Variants in ATAD5 observed in about 807,000 individuals in gnomAD.
ATAD5 encodes ATPase family AAA domain-containing protein 5.
A neutral mutation model predicts 176.9 loss-of-function variants in ATAD5; 58 were observed. That is an observed-to-expected ratio of 0.33 (90% confidence interval 0.27 to 0.41). The LOEUF (loss-of-function observed/expected upper bound fraction) is 0.41. Among genes scored for constraint, ATAD5 ranks in the 10% least tolerant of loss-of-function variants. The pLI is 1.00. For synonymous variants in ATAD5, 640 were observed against 712.6 expected (o/e 0.90, Z 1.62); for missense variants, 1,789 against 2,094.1 (o/e 0.85, Z 2.84).
At position 30,859,797 on chromosome 17, in the gene ATAD5, C is replaced by T. The variant is rs568290818; in HGVS notation, c.2957-636C>T. On this transcript the variant is annotated intron_variant, in intron 9 of 22. Coordinates refer to ENST00000321990, the MANE Select transcript of ATAD5 (RefSeq NM_024857.5). Reference sequence around the variant, plus strand: ...CCCAGGCAGTGGTGTGATCTCGGCTCACTGCAGCCTCAGCCTTCTAGGTTC... The same window carrying T: ...CCCAGGCAGTGGTGTGATCTCGGCTTACTGCAGCCTCAGCCTTCTAGGTTC... Among the ~76,000 whole-genome samples, 19 of 143,252 alleles carry T rather than the reference C, an allele frequency of 1.3e-4. 2 individuals are homozygous for T. In the East Asian group the frequency reaches 4.0e-3, roughly 30 times the overall value. 94.0% of individuals were successfully genotyped at this position (143,252 alleles called of 152,430 possible).
chr17:30,889,854 G>A (rs545474080), intron 19 of ATAD5, among the ~76,000 whole-genome samples: 76 of 138,928 alleles, frequency 5.5e-4, no homozygotes, highest in African/African-American at 1.5e-3. Flanking sequence ...ACATTTTAAC[G>A]TATTCTTTTT....
In ATAD5 at chr17:30,869,399, C is replaced by G. The variant is rs754601477; in HGVS notation, c.3456+9C>G. On this transcript the variant is annotated intron_variant, in intron 13 of 22. Transcript: ENST00000321990. ...AGGAGCTTGGATTTAAGGTTAGTAA[C>G]AGCTATGATGAGAGAATGTTAATGT... is the stretch of plus-strand genomic sequence containing the variant. The G allele has an allele frequency of 1.2e-6, 2 of 1,611,376 alleles. No homozygotes were observed. The highest frequency in any genetic ancestry group is 1.7e-6 in the Non-Finnish European group (2 of 1,179,396).
intron 18 of ATAD5, among the ~76,000 whole-genome samples, chr17:30,885,923 A>G (rs574307265): frequency 4.6e-5 from 7 of 151,850 alleles, no homozygotes; most frequent in Admixed American, 2.6e-4. Context: ...GGCTATTCCA[A>G]TTTTCTTAGA....
At position 30,869,368 on chromosome 17, in the gene ATAD5, G is replaced by C; in HGVS notation, c.3434G>C (p.Cys1145Ser). The change falls in exon 13 of 23, where the codon TGT (cysteine) becomes TCT (serine). Residue 1145 changes from cysteine to serine, a missense_variant. Cys to Ser is a moderately radical substitution (Grantham distance 112, BLOSUM62 -1). Around this residue, in one of 6 missense-constraint regions of ATAD5, gnomAD observed 6 missense variants for 24.9 expected, o/e 0.24. Transcript: ENST00000321990. ...GVGKTAAVYACAQELGFKIFE... is the reference protein window; with the variant it reads ...GVGKTAAVYASAQELGFKIFE... ...GGAAAAACTGCTGCAGTGTATGCTT[G>C]TGCCCAGGAGCTTGGATTTAAGGTT... 6.2e-7 allele frequency: 1 copy of C among 1,613,550 alleles called. No homozygotes were observed. The highest frequency in any genetic ancestry group is 8.5e-7 in the Non-Finnish European group (1 of 1,179,922).
At chr17:30,886,794 T>C (rs913132269) in intron 18 of ATAD5, among the ~76,000 whole-genome samples, 3 of 152,168 alleles carry the variant, frequency 2.0e-5, no homozygotes, top group African/African-American at 7.2e-5. Flanking sequence ...GTGCAATTTC[T>C]AACCTGGTTT....
At chr17:30,862,544 C>T (rs28456989) in intron 10 of ATAD5, among the ~76,000 whole-genome samples, 2,950 of 152,076 alleles carry the variant, frequency 0.019, 79 homozygotes, top group African/African-American at 0.064. Flanking sequence ...CGGATTCAAG[C>T]GATTCTCCTG....
Position 30,835,155 on chromosome 17 carries a change from T to G in ATAD5, c.1074T>G (p.Pro358=). 1 of 1,614,018 alleles carries G rather than the reference T, an allele frequency of 6.2e-7. No homozygotes were observed. The highest frequency in any genetic ancestry group is 8.5e-7 in the Non-Finnish European group (1 of 1,179,984). ...QFEMENSLSD[P]ENEQTVQKRK... is the part of the protein sequence containing the mutation. ...AAATGGAAAATAGTTTATCTGATCC[T>G]GAGAATGAACAGACAGTTCAGAAAA... The change falls in exon 2 of 23, where the codon CCT becomes CCG. Residue 358 remains proline (P), a synonymous_variant. Coordinates refer to ENST00000321990, the MANE Select transcript of ATAD5 (RefSeq NM_024857.5).
chr17:30,895,394 T>A lies in ATAD5; in HGVS notation c.*481T>A, dbSNP rs2142465732. On this transcript the variant is annotated 3_prime_UTR_variant, in exon 23 of 23. Transcript: ENST00000321990. ...TTAAGGATCCTCATATTGTACAGTT[T>A]TTTTTGTGTGCTTTTTTTTTTTTTT... The A allele has an allele frequency of 6.6e-6, 1 of 151,960 alleles. No individual in the cohort carries two copies. The highest frequency in any genetic ancestry group is 2.4e-5 in the African/African-American group (1 of 41,496). 9.4% of individuals were successfully genotyped at this position (151,960 alleles called of 1,614,324 possible).
At chr17:30,880,131 GTC>G (rs1880480087) in intron 18 of ATAD5, among the ~76,000 whole-genome samples, 1 of 150,714 alleles carries the variant, frequency 6.6e-6, no homozygotes, top group Admixed American at 6.6e-5. Flanking sequence ...GCAAAACCCT[GTC>G]TCTACACAAA....
chr17:30,885,880 T>C (rs1909297368), intron 18 of ATAD5, among the ~76,000 whole-genome samples: 1 of 152,042 alleles, frequency 6.6e-6, no homozygotes, highest in South Asian at 2.1e-4. Flanking sequence ...CCTCTCAAAG[T>C]GCTGGGATTA....
chr17:30,861,706 T>TGAAACC (rs1907645197), intron 10 of ATAD5: 1 of 151,884 alleles, frequency 6.6e-6, no homozygotes, highest in Non-Finnish European at 1.5e-5. Context: ...GAGACAGGGT[T>TGAAACC]TCACTGTGTG....
In ATAD5 at chr17:30,835,323, A is replaced by T; in HGVS notation, c.1242A>T (p.Ala414=). Residue 414 remains alanine, a synonymous_variant, in exon 2 of 23, where the codon GCA becomes GCT. Transcript: ENST00000321990. ...MKAFRQPASD[A]LKNGVKKSSD... is the part of the protein sequence containing the mutation. ...CATTTAGGCAGCCAGCATCAGATGCACTTAAAAATGGAGTTAAAAAGTCTT... is the reference window on the plus strand; with the variant it reads ...CATTTAGGCAGCCAGCATCAGATGCTCTTAAAAATGGAGTTAAAAAGTCTT... 3.1e-6 allele frequency: 5 copies of T among 1,614,038 alleles called. No homozygotes were observed. The highest frequency in any genetic ancestry group is 4.2e-6 in the Non-Finnish European group (5 of 1,179,988).
chr17:30,894,598 G>T lies in ATAD5; in HGVS notation c.5332G>T (p.Val1778Leu). ...AWKRISVIKS[V>L]FSSRSLLYVG... is the part of the protein sequence containing the mutation. ...GAAGAGGATATCAGTCATTAAAAGT[G>T]TATTTTCGAGTCGATCTCTTCTCTA... Residue 1778 changes from valine (V) to leucine (L), a missense_variant, in exon 22 of 23, where the codon GTA becomes TTA. Val to Leu is a conservative substitution (Grantham distance 32, BLOSUM62 1). Around this residue, in one of 6 missense-constraint regions of ATAD5, gnomAD observed 403 missense variants for 495.1 expected, o/e 0.81. Transcript: ENST00000321990. 1 of 1,612,188 alleles carries T rather than the reference G, an allele frequency of 6.2e-7. No homozygotes were observed. Among genetic ancestry groups the T allele is most frequent in the Non-Finnish European group, 8.5e-7 (1 of 1,179,472 alleles).
In ATAD5 at chr17:30,836,757, G is replaced by A. The variant is rs1255449923; in HGVS notation, c.1968-449G>A. Among the ~76,000 whole-genome samples, 12 of 151,416 alleles carry A rather than the reference G, an allele frequency of 7.9e-5. No homozygotes were observed. In the East Asian group the frequency reaches 1.2e-3, roughly 15 times the overall value. On this transcript the variant is annotated intron_variant, in intron 2 of 22. Coordinates refer to ENST00000321990, the MANE Select transcript of ATAD5 (RefSeq NM_024857.5). ...TGATCTTTGTATTTTTAGTAGAGAC[G>A]GGGTTTTACCATGTTGGCCAGGCCA...
At chr17:30,894,193 C>A in intron 21 of ATAD5, 43 bp downstream of exon 21, 2 of 1,428,954 alleles carry the variant, frequency 1.4e-6, no homozygotes, top group South Asian at 1.4e-5. Context: ...GGTAATAAAT[C>A]GTAAAGGGGA....
In ATAD5 at chr17:30,893,563, G is replaced by A. The variant is rs58888931; in HGVS notation, c.4710G>A (p.Leu1570=). The A allele has an allele frequency of 1.2e-3, 1,881 of 1,613,090 alleles. 25 individuals are homozygous for A. In the African/African-American group the frequency reaches 0.022, roughly 19 times the overall value. Residue 1570 remains leucine (L), a synonymous_variant, in exon 21 of 23, where the codon TTG becomes TTA. Transcript: ENST00000321990. The part of the protein sequence containing the change: ...KSQKKKQKKT[L]VILDDSDLFD... ...AGAAAAAGAAACAAAAGAAAACATT[G>A]GTAATATTAGATGATAGTGATCTAT...
chr17:30,870,070 G>C (rs1908250983), intron 14 of ATAD5, among the ~76,000 whole-genome samples: 1 of 151,842 alleles, frequency 6.6e-6, no homozygotes, highest in Admixed American at 6.6e-5. Flanking sequence ...GCTGTGATTG[G>C]GCCACTGCAC....
rs191864047 is a variant in ATAD5 at position 30,894,729 on chromosome 17, G to T, written c.5456+7G>T. The T allele has an allele frequency of 3.8e-6, 6 of 1,591,814 alleles. No homozygotes were observed. Among genetic ancestry groups the T allele is most frequent in the Middle Eastern group, 1.7e-4 (1 of 5,940 alleles). ...AAGGAAAAAGTAAAAGAAGGTAAAG[G>T]CTTTATTAAAAACAACATTTTAGAT... On this transcript the variant is annotated splice_region_variant and intron_variant, in intron 22 of 22. Coordinates refer to ENST00000321990, the MANE Select transcript of ATAD5 (RefSeq NM_024857.5).
At chr17:30,860,782 C>T (rs118046863) in intron 10 of ATAD5, among the ~76,000 whole-genome samples, 170 bp downstream of exon 10, 237 of 152,254 alleles carry the variant, frequency 1.6e-3, no homozygotes, top group Non-Finnish European at 3.0e-3. Flanking sequence ...TCTTGTCACC[C>T]AGGCTGGAGT....
Sources: allele counts gnomAD v4.1 joint callset (sites outside exome capture counted in the v4.1 genomes callset), GRCh38; gene constraint gnomAD v4.1.1; regional missense constraint gnomAD v4.1.1; transcripts MANE v1.5; gene names NCBI Gene and HGNC (gene_info 2026-07-23, HGNC 2026-07-21).